PHACTR1: variants seen among roughly 807,000 people sequenced by gnomAD.
PHACTR1 encodes RPEL repeat containing 1.
A neutral mutation model predicts 69.2 loss-of-function variants in PHACTR1; 16 were observed. The ratio of observed to expected loss-of-function variants is 0.23; its 90% CI spans 0.16 to 0.35. The LOEUF is 0.35. Ranked by LOEUF, PHACTR1 falls within the 10% of genes least tolerant of loss-of-function variation. PHACTR1 has a pLI of 1.00. For synonymous variants in PHACTR1, 312 were observed against 284.5 expected (o/e 1.10, Z -0.97); for missense variants, 510 against 734.7 (o/e 0.69, Z 3.54).
intron 4 of PHACTR1, among the ~76,000 whole-genome samples, chr6:12,765,142 G>T (rs986808710): frequency 7.9e-5 from 12 of 152,114 alleles, no homozygotes; most frequent in African/African-American, 2.7e-4. Flanking sequence ...CAAGAAGAAG[G>T]CTCAGTTTTG....
chr6:13,184,669 T>C, intron 7 of PHACTR1: 1 of 588,654 alleles, frequency 1.7e-6, no homozygotes, highest in Non-Finnish European at 2.9e-6. Flanking sequence ...TCTCTACACA[T>C]GCGTGGCGGC....
At chr6:12,755,891 A>G (rs1269536607) in intron 4 of PHACTR1, among the ~76,000 whole-genome samples, 1 of 152,194 alleles carries the variant, frequency 6.6e-6, no homozygotes, top group African/African-American at 2.4e-5. Flanking sequence ...GCAGAATCCT[A>G]CAAAACAAAA....
intron 4 of PHACTR1, among the ~76,000 whole-genome samples, chr6:12,964,596 T>A (rs1404691396): frequency 6.6e-6 from 1 of 152,120 alleles, no homozygotes; most frequent in Non-Finnish European, 1.5e-5. Flanking sequence ...AAGGGACCGA[T>A]GGTAGATGCA....
At chr6:13,183,678 C>T (rs1325388876) in intron 7 of PHACTR1, among the ~76,000 whole-genome samples, 6 of 152,092 alleles carry the variant, frequency 3.9e-5, no homozygotes, top group Non-Finnish European at 5.9e-5. Context: ...CTCACTGAGG[C>T]GGTGGCGGGA....
chr6:13,108,155 T>C (rs529289094), intron 5 of PHACTR1, among the ~76,000 whole-genome samples: 17 of 152,114 alleles, frequency 1.1e-4, no homozygotes, highest in Non-Finnish European at 2.1e-4. Context: ...TGTATGCTAG[T>C]GTTGTTTAAT....
intron 4 of PHACTR1, among the ~76,000 whole-genome samples, chr6:12,836,624 A>G (rs1034054010): frequency 1.3e-5 from 2 of 152,196 alleles, no homozygotes; most frequent in African/African-American, 2.4e-5. Context: ...GAAAGAAAAA[A>G]TAAAAATAAC....
intron 3 of PHACTR1, among the ~76,000 whole-genome samples, chr6:12,742,363 G>T (rs185327362): frequency 9.9e-5 from 15 of 152,252 alleles, no homozygotes; most frequent in African/African-American, 3.6e-4. Context: ...GCTCTGATGG[G>T]AGTGTCTTTT....
intron 4 of PHACTR1, among the ~76,000 whole-genome samples, chr6:12,768,809 T>TACACACACACAC (rs4053038): frequency 2.4e-5 from 3 of 123,366 alleles, no homozygotes; most frequent in African/African-American, 9.4e-5. Context: ...ATGTGCTATC[T>TACACACACACAC]ACACACACAC....
In PHACTR1 at chr6:13,055,237, A is replaced by G. The variant is rs142728998; in HGVS notation, c.415+1708A>G. On this transcript the variant is annotated intron_variant, in intron 5 of 14. Coordinates refer to ENST00000332995, the MANE Select transcript of PHACTR1 (RefSeq NM_030948.6). ...TTCATAAATTTCTAAATCATTACCC[A>G]TATAAGTCCCACCACTCTGACTCTG... 3.2e-3 allele frequency among the ~76,000 whole-genome samples: 491 copies of G among 152,308 alleles called. 2 individuals carry two copies. Among genetic ancestry groups the G allele is most frequent in the African/African-American group, 0.011 (467 of 41,572 alleles).
At chr6:12,961,376 G>A (rs1455749281) in intron 4 of PHACTR1, among the ~76,000 whole-genome samples, 1 of 152,180 alleles carries the variant, frequency 6.6e-6, no homozygotes. Flanking sequence ...TGTTGGAGAA[G>A]CAGCAGGGAA....
At chr6:13,124,125 G>T (rs1436269011) in intron 5 of PHACTR1, among the ~76,000 whole-genome samples, 3 of 152,168 alleles carry the variant, frequency 2.0e-5, no homozygotes, top group Non-Finnish European at 4.4e-5. Context: ...ACTGCAGAGA[G>T]CGAGGTTATA....
chr6:12,727,483 A>G (rs522582), intron 3 of PHACTR1, among the ~76,000 whole-genome samples: 101,062 of 152,082 alleles, frequency 0.66, 34,094 homozygotes, highest in East Asian at 0.92. Context: ...GGACTCATAC[A>G]TAAAGTAGGG....
At chr6:13,221,675 C>T (rs890103736) in intron 8 of PHACTR1, among the ~76,000 whole-genome samples, 2 of 152,204 alleles carry the variant, frequency 1.3e-5, no homozygotes, top group African/African-American at 4.8e-5. Context: ...TTAAGTGAAT[C>T]AACACGTGGG....
intron 3 of PHACTR1, among the ~76,000 whole-genome samples, chr6:12,739,151 T>C (rs1199279329): frequency 6.6e-6 from 1 of 152,198 alleles, no homozygotes; most frequent in Non-Finnish European, 1.5e-5. Context: ...AAGGCTTAAC[T>C]GTCCACAGCA....
At chr6:13,006,681 A>C in intron 4 of PHACTR1, among the ~76,000 whole-genome samples, 1 of 151,442 alleles carries the variant, frequency 6.6e-6, no homozygotes, top group East Asian at 2.2e-4. Flanking sequence ...ACACACACAC[A>C]CTTCTCATTG....
chr6:13,283,427 T>G lies in PHACTR1; in HGVS notation c.1515T>G (p.Ser505Arg). ...ATCTCTCTCCCTCCCTGCAGCTCAG[T>G]CAAAGGCCCACGGTGGAAGAGCTTC... is the stretch of plus-strand genomic sequence containing the variant. ...EIKRRLTRKL[S>R]QRPTVEELRE... The change falls in exon 13 of 15, where the codon AGT (serine) becomes AGG (arginine). Residue 505 changes from serine to arginine, a missense_variant. This residue lies in a region of PHACTR1 where 91 missense variants were observed against 203.8 expected (regional missense o/e 0.45). Transcript: ENST00000332995. The surrounding 1 kb of genome is among the most constrained non-coding windows in gnomAD (Gnocchi z 4.7). The G allele has an allele frequency of 6.2e-7, 1 of 1,613,520 alleles. No individual in the cohort carries two copies. Among genetic ancestry groups the G allele is most frequent in the Non-Finnish European group, 8.5e-7 (1 of 1,179,754 alleles).
intron 4 of PHACTR1, among the ~76,000 whole-genome samples, chr6:12,948,996 C>A (rs565672152): frequency 1.3e-5 from 2 of 152,080 alleles, no homozygotes; most frequent in Non-Finnish European, 2.9e-5. Flanking sequence ...ATGGGCCAGG[C>A]GCAATGGCTC....
intron 4 of PHACTR1, among the ~76,000 whole-genome samples, chr6:12,945,553 G>T (rs1790579325): frequency 6.6e-6 from 1 of 152,202 alleles, no homozygotes; most frequent in African/African-American, 2.4e-5. Flanking sequence ...CCAGTGTACG[G>T]TCATTAAATG....
chr6:13,019,799 G>T (rs906097594), intron 4 of PHACTR1, among the ~76,000 whole-genome samples: 14 of 152,290 alleles, frequency 9.2e-5, no homozygotes, highest in African/African-American at 3.4e-4. Context: ...GTGGGTGAAA[G>T]GATCAGTACT....
Sources: gnomAD v4.1 joint callset for allele counts (sites outside exome capture counted in the v4.1 genomes callset) on GRCh38, gnomAD v4.1.1 for gene constraint, gnomAD v4.1.1 regional missense constraint, Gnocchi (gnomAD v3.1) non-coding constraint, MANE v1.5 for transcripts, NCBI Gene and HGNC (gene_info 2026-07-23, HGNC 2026-07-21) for gene names.